The following CMYA5 variants were observed in gnomAD, a reference collection of about 807,000 sequenced individuals.
The protein encoded by CMYA5 is cardiomyopathy associated 5.
A neutral mutation model predicts 318.9 loss-of-function variants in CMYA5; 246 were observed. The observed-to-expected ratio is 0.77, with a 90% CI of 0.70 to 0.86. The LOEUF (loss-of-function observed/expected upper bound fraction) is 0.86. Among genes scored for constraint, CMYA5 ranks in the 40% least tolerant of loss-of-function variants. The pLI is 0.00. For synonymous variants in CMYA5, 1,641 were observed against 1,729.5 expected (o/e 0.95, Z 1.27); for missense variants, 4,589 against 4,678.2 (o/e 0.98, Z 0.56).
At position 79,733,295 on chromosome 5, in the gene CMYA5, A is replaced by G; in HGVS notation, c.4530A>G (p.Ser1510=). 6.2e-7 allele frequency: 1 copy of G among 1,613,750 alleles called. No homozygotes were observed. The highest frequency in any genetic ancestry group is 8.5e-7 in the Non-Finnish European group (1 of 1,179,826). The stretch of plus-strand genomic sequence containing the variant: ...TCTGTGACTCTGAACGTTTGGTTTC[A>G]TCACAGAAGAAGAGCTTGATGTCTA... ...STVCDSERLV[S]SQKKSLMSTS... Residue 1510 remains serine (S), a synonymous_variant, in exon 2 of 13, where the codon TCA becomes TCG. Transcript: ENST00000446378.
intron 10 of CMYA5, among the ~76,000 whole-genome samples, chr5:79,790,736 C>G (rs1261666940): frequency 3.3e-5 from 5 of 152,208 alleles, no homozygotes; most frequent in Non-Finnish European, 7.3e-5. Context: ...CAGATGAGCA[C>G]TAATAGAGGG....
At position 79,735,431 on chromosome 5, in the gene CMYA5, A is replaced by C. The variant is rs748645084; in HGVS notation, c.6666A>C (p.Thr2222=). 3 of 1,613,890 alleles carry C rather than the reference A, an allele frequency of 1.9e-6. No individual in the cohort carries two copies. The South Asian group carries it at 3.3e-5, about 18-fold the overall frequency. The change falls in exon 2 of 13, where the codon ACA becomes ACC. Residue 2222 remains threonine, a synonymous_variant. Coordinates refer to ENST00000446378, the MANE Select transcript of CMYA5 (RefSeq NM_153610.5). The stretch of plus-strand genomic sequence containing the variant: ...TGACTGTGATAGATCCTGAAGGTAC[A>C]ATTCCCACCAATTTTAATGTAGCTG... ...KAVTVIDPEG[T]IPTNFNVAEK...
chr5:79,694,337 A>C (rs941542029), intron 1 of CMYA5, among the ~76,000 whole-genome samples: 1 of 152,228 alleles, frequency 6.6e-6, no homozygotes, highest in African/African-American at 2.4e-5. Context: ...TTTAACACTT[A>C]CCATGTGCCA....
In CMYA5 at chr5:79,729,982, C is replaced by A. The variant is rs1398504749; in HGVS notation, c.1217C>A (p.Ala406Glu). 9 of 1,613,876 alleles carry A rather than the reference C, an allele frequency of 5.6e-6. No homozygotes were observed. Among genetic ancestry groups the A allele is most frequent in the Middle Eastern group, 1.6e-4 (1 of 6,084 alleles). The change falls in exon 2 of 13, where the codon GCA becomes GAA. Residue 406 changes from alanine (A) to glutamate (E), a missense_variant. Around this residue, in one of 3 missense-constraint regions of CMYA5, gnomAD observed 2,132 missense variants for 2,131.3 expected, o/e 1.00. Coordinates refer to ENST00000446378, the MANE Select transcript of CMYA5 (RefSeq NM_153610.5). Reference sequence around the variant, plus strand: ...TGTGAGCTTGCTTCACCAGGAACTGCAGCTTCAGAGAATGACTCTTCAGTC... The same window carrying A: ...TGTGAGCTTGCTTCACCAGGAACTGAAGCTTCAGAGAATGACTCTTCAGTC... The part of the protein sequence containing the change: ...EECELASPGT[A>E]ASENDSSVSP...
intron 1 of CMYA5, among the ~76,000 whole-genome samples, chr5:79,721,454 A>G (rs1160434869): frequency 6.6e-6 from 1 of 152,248 alleles, no homozygotes; most frequent in Admixed American, 6.5e-5. Context: ...TATTACATTT[A>G]AATGAACTAA....
chr5:79,723,464 AGAAAAG>A (rs1193964220), intron 1 of CMYA5, among the ~76,000 whole-genome samples: 1 of 150,974 alleles, frequency 6.6e-6, no homozygotes, highest in Non-Finnish European at 1.5e-5. Context: ...AAAAAAGAAA[AGAAAAG>A]GAGATTACAG....
At position 79,694,229 on chromosome 5, in the gene CMYA5, AAAAC is replaced by A. The variant is rs922630211; in HGVS notation, c.149+4185_149+4188del. On this transcript the variant is annotated intron_variant, in intron 1 of 12. Transcript: ENST00000446378. ...TGTGTCTACTATACCAGTCAGGATAAAAACAAACAAACAAAAAACAAGGAAAGCA... is the reference window on the plus strand; with the variant it reads ...TGTGTCTACTATACCAGTCAGGATAAAAACAAACAAAAAACAAGGAAAGCA... Among the ~76,000 whole-genome samples, 132 of 152,350 alleles carry A rather than the reference AAAAC, an allele frequency of 8.7e-4. 1 individual carries two copies. Among genetic ancestry groups the A allele is most frequent in the Middle Eastern group, 6.8e-3 (2 of 294 alleles).
rs1203359813 is a variant in CMYA5, at chr5:79,737,670, G to C, written c.8905G>C (p.Glu2969Gln). 1 of 1,613,308 alleles carries C rather than the reference G, an allele frequency of 6.2e-7. No individual in the cohort carries two copies. The highest frequency in any genetic ancestry group is 1.7e-5 in the Admixed American group (1 of 59,880). The change falls in exon 2 of 13, where the codon GAA (glutamate) becomes CAA (glutamine). Residue 2969 changes from glutamate (E) to glutamine (Q), a missense_variant. Coordinates refer to ENST00000446378, the MANE Select transcript of CMYA5 (RefSeq NM_153610.5). ...CTTTATTTCTTCAATCGATCAGGAA[G>C]AAAGTGAACAAATGCAAGATAAATT... Reference protein sequence around the residue: ...PAFISSIDQEESEQMQDKLEY... With the variant: ...PAFISSIDQEQSEQMQDKLEY...
In CMYA5 at chr5:79,793,442, C is replaced by A. The variant is rs1288229400; in HGVS notation, c.11795C>A (p.Pro3932Gln). The part of the protein sequence containing the change: ...FGERRRLTEI[P>Q]SVLGEELPSC... Reference sequence around the variant, plus strand: ...CTGATTGACTTCACCCACAGAATCCCGTCAGTGCTGGGTGAGGAGCTGCCT... The same window carrying A: ...CTGATTGACTTCACCCACAGAATCCAGTCAGTGCTGGGTGAGGAGCTGCCT... The change falls in exon 12 of 13, where the codon CCG becomes CAG. Residue 3932 changes from proline (P) to glutamine (Q), a missense_variant. By Grantham distance (76) the Pro-to-Gln change is moderately conservative. Transcript: ENST00000446378. The A allele has an allele frequency of 6.2e-7, 1 of 1,610,606 alleles. No individual in the cohort carries two copies. Among genetic ancestry groups the A allele is most frequent in the African/African-American group, 1.3e-5 (1 of 74,998 alleles).
At chr5:79,708,300 A>T (rs1827312620) in intron 1 of CMYA5, among the ~76,000 whole-genome samples, 2 of 152,228 alleles carry the variant, frequency 1.3e-5, no homozygotes, top group African/African-American at 4.8e-5. Context: ...AGTAGAAGAC[A>T]CATGGCAAAT....
At position 79,734,316 on chromosome 5, in the gene CMYA5, A is replaced by G. The variant is rs1827998043; in HGVS notation, c.5551A>G (p.Ile1851Val). The G allele has an allele frequency of 1.2e-6, 2 of 1,613,726 alleles. No individual in the cohort carries two copies. The highest frequency in any genetic ancestry group is 1.3e-5 in the African/African-American group (1 of 74,924). ...TTCTGAAGATAAACAAGATCTGGGT[A>G]TTAAGCAGTTTTCACTTATGAGAGA... ...TSSEDKQDLGIKQFSLMRENL... is the reference protein window; with the variant it reads ...TSSEDKQDLGVKQFSLMRENL... The change falls in exon 2 of 13, where the codon ATT (isoleucine) becomes GTT (valine). Residue 1851 changes from isoleucine (I) to valine (V), a missense_variant. Ile to Val is a conservative substitution (Grantham distance 29, BLOSUM62 3). Coordinates refer to ENST00000446378, the MANE Select transcript of CMYA5 (RefSeq NM_153610.5).
chr5:79,729,446 T>A lies in CMYA5; in HGVS notation c.681T>A (p.Tyr227Ter), dbSNP rs778700633. ...CAGTCTACATAGGAACAGTACAATA[T>A]AAAATTAAGATGTTTAATTCGGTTA... ...LRPVYIGTVQYKIKMFNSVKE... is the reference protein window; with the variant it reads ...LRPVYIGTVQ Residue 227 changes from tyrosine (Y) to a stop codon, truncating the protein, a stop_gained, in exon 2 of 13, where the codon TAT becomes TAA. Coordinates refer to ENST00000446378, the MANE Select transcript of CMYA5 (RefSeq NM_153610.5). LOFTEE classifies it high-confidence loss of function. 2 of 1,612,708 alleles carry A rather than the reference T, an allele frequency of 1.2e-6. No individual in the cohort carries two copies. Among genetic ancestry groups the A allele is most frequent in the African/African-American group, 2.7e-5 (2 of 74,836 alleles).
At chr5:79,695,772 G>C (rs1827055900) in intron 1 of CMYA5, among the ~76,000 whole-genome samples, 2 of 152,206 alleles carry the variant, frequency 1.3e-5, no homozygotes, top group Non-Finnish European at 2.9e-5. Context: ...GATATTAATA[G>C]AGGAATATCC....
chr5:79,726,565 G>A (rs1020596645), intron 1 of CMYA5, among the ~76,000 whole-genome samples: 12 of 152,178 alleles, frequency 7.9e-5, no homozygotes, highest in African/African-American at 2.2e-4. Context: ...ACTTCTTCCC[G>A]ACCCTTCACT....
chr5:79,799,859 C>A lies in CMYA5; in HGVS notation c.*243C>A. 1 of 191,144 alleles carries A rather than the reference C, an allele frequency of 5.2e-6. No individual in the cohort carries two copies. The highest frequency in any genetic ancestry group is 7.8e-5 in the Admixed American group (1 of 12,840). 11.8% of individuals were successfully genotyped at this position (191,144 alleles called of 1,614,324 possible). A position where few individuals can be genotyped will look rare whatever the true frequency, so the allele number is the denominator to read the frequency against. On this transcript the variant is annotated 3_prime_UTR_variant, in exon 13 of 13. Transcript: ENST00000446378. ...TCTTTAGTTTATATAAGTTTGAGTT[C>A]TTTCCTAAATTAAAAGATCTACACT...
chr5:79,789,030 A>G lies in CMYA5; in HGVS notation c.11615A>G (p.Tyr3872Cys), dbSNP rs753256561. 4 of 1,613,930 alleles carry G rather than the reference A, an allele frequency of 2.5e-6. No homozygotes were observed. Among genetic ancestry groups the G allele is most frequent in the East Asian group, 2.2e-5 (1 of 44,876 alleles). ...LKVNLQPNDN[Y>C]FFYVRAINAF... ...GTTAACCTCCAACCCAATGATAACT[A>G]CTTTTTCTATGTGAGGGCCATCAAT... The change falls in exon 10 of 13, where the codon TAC becomes TGC. Residue 3872 changes from tyrosine to cysteine, a missense_variant. Coordinates refer to ENST00000446378, the MANE Select transcript of CMYA5 (RefSeq NM_153610.5).
chr5:79,730,536 G>C lies in CMYA5; in HGVS notation c.1771G>C (p.Gly591Arg). The C allele has an allele frequency of 6.2e-7, 1 of 1,613,980 alleles. No individual in the cohort carries two copies. The highest frequency in any genetic ancestry group is 1.1e-5 in the South Asian group (1 of 91,070). ...AGAGGAAATTGCATCTGTTTCTACT[G>C]GTTCTGCTTTTGTATCAGAGTATTC... Reference protein sequence around the residue: ...EREEIASVSTGSAFVSEYSVP... With the variant: ...EREEIASVSTRSAFVSEYSVP... The change falls in exon 2 of 13, where the codon GGT becomes CGT. Residue 591 changes from glycine (G) to arginine (R), a missense_variant. By Grantham distance (125) the Gly-to-Arg change is moderately radical. Coordinates refer to ENST00000446378, the MANE Select transcript of CMYA5 (RefSeq NM_153610.5).
chr5:79,773,444 T>C (rs1828889036), intron 9 of CMYA5, among the ~76,000 whole-genome samples: 1 of 152,220 alleles, frequency 6.6e-6, no homozygotes, highest in Non-Finnish European at 1.5e-5. Flanking sequence ...GGGTAACTCA[T>C]AGGGAAGGAC....
chr5:79,759,001 C>T, intron 7 of CMYA5, 99 bp downstream of exon 7: 3 of 960,656 alleles, frequency 3.1e-6, no homozygotes, highest in Non-Finnish European at 4.3e-6. Context: ...TCCCACAAAG[C>T]ATTTATAGCC....
Sources: gnomAD v4.1 joint callset for allele counts (sites outside exome capture counted in the v4.1 genomes callset) on GRCh38, gnomAD v4.1.1 for gene constraint, gnomAD v4.1.1 regional missense constraint, MANE v1.5 for transcripts, NCBI Gene and HGNC (gene_info 2026-07-23, HGNC 2026-07-21) for gene names.